Variants in ERICH3 observed in about 807,000 individuals in gnomAD.
ERICH3 encodes the protein glutamate rich 3.
In ERICH3, 126 loss-of-function variants were observed where a neutral mutation model predicts 131.1. That is an observed-to-expected ratio of 0.96 (90% CI 0.83 to 1.11). The LOEUF is 1.11. Among genes scored for constraint, ERICH3 ranks in the 50% most tolerant of loss-of-function variants. The pLI, the probability that ERICH3 is intolerant of heterozygous loss-of-function variation, is 0.00. For missense variants in ERICH3, 2,050 were observed against 1,810.7 expected, an observed-to-expected ratio of 1.13 and a Z score of -2.40; for synonymous variants, 695 against 644.6, an observed-to-expected ratio of 1.08 and a Z score of -1.18.
chr1:74,605,855 A>G (rs759569144), intron 10 of ERICH3, among the ~76,000 whole-genome samples: 2 of 151,926 alleles, frequency 1.3e-5, no homozygotes, highest in Non-Finnish European at 2.9e-5. Flanking sequence ...TGTTGGAAAA[A>G]TGATGCTGAT....
chr1:74,649,293 G>A lies in ERICH3; in HGVS notation c.46C>T (p.Leu16Phe). ...TACCCAGCCAGGTGTTTATCCATAA[G>A]GCTATTATATGCAGCAAGTAACCTA... ...PAGLLAAYNS[L>F]MDKHLAGYFN... is the part of the protein sequence containing the mutation. The change falls in exon 2 of 15, where the codon CTT becomes TTT. Residue 16 changes from leucine (L) to phenylalanine (F), a missense_variant. By Grantham distance (22) the Leu-to-Phe change is conservative. Transcript: ENST00000326665. 1 of 1,611,910 alleles carries A rather than the reference G, an allele frequency of 6.2e-7. No homozygotes were observed. The highest frequency in any genetic ancestry group is 8.5e-7 in the Non-Finnish European group (1 of 1,178,918).
At chr1:74,595,393 G>T (rs1197684965) in intron 11 of ERICH3, among the ~76,000 whole-genome samples, 1 of 152,004 alleles carries the variant, frequency 6.6e-6, no homozygotes, top group East Asian at 1.9e-4. Flanking sequence ...CCCACATACT[G>T]ATAGTTATTA....
intron 8 of ERICH3, among the ~76,000 whole-genome samples, chr1:74,614,064 T>C (rs1213920067): frequency 6.6e-6 from 1 of 152,192 alleles, no homozygotes; most frequent in Non-Finnish European, 1.5e-5. Flanking sequence ...AAAATACAGA[T>C]TGCTGGGTTT....
chr1:74,594,437 C>T (rs1647752644), intron 11 of ERICH3, among the ~76,000 whole-genome samples: 1 of 152,054 alleles, frequency 6.6e-6, no homozygotes, highest in Admixed American at 6.6e-5. Context: ...AAAGTCTGCT[C>T]TCCCTCCTCA....
rs1255032208 is a variant in ERICH3, at chr1:74,589,697, G to A, written c.2110C>T (p.Leu704Phe). 6.2e-7 allele frequency: 1 copy of A among 1,613,906 alleles called. No individual in the cohort carries two copies. Among genetic ancestry groups the A allele is most frequent in the African/African-American group, 1.3e-5 (1 of 74,888 alleles). The change falls in exon 12 of 15, where the codon CTT (leucine) becomes TTT (phenylalanine). Residue 704 changes from leucine to phenylalanine, a missense_variant. Physicochemically the swap from Leu to Phe is conservative, Grantham distance 22. Coordinates refer to ENST00000326665, the MANE Select transcript of ERICH3 (RefSeq NM_001002912.5). ...ACCTGAGCAGTGCTTTCTTCCCAAA[G>A]CTTACTCTTATCCTTTTCCTTTTCT... ...AEEKEKDKSK[L>F]WEESTAQVKD...
intron 1 of ERICH3, among the ~76,000 whole-genome samples, chr1:74,663,470 C>T (rs1646660925): frequency 6.6e-6 from 1 of 152,040 alleles, no homozygotes; most frequent in Non-Finnish European, 1.5e-5. Flanking sequence ...TCTTCCTTGC[C>T]TATCTCTCAT....
At chr1:74,647,338 G>A (rs150446859) in intron 2 of ERICH3, among the ~76,000 whole-genome samples, 1 of 152,096 alleles carries the variant, frequency 6.6e-6, no homozygotes, top group Admixed American at 6.6e-5. Flanking sequence ...AAACATGCGA[G>A]CTACAAAGGA....
chr1:74,665,101 T>C (rs1646677374), intron 1 of ERICH3, among the ~76,000 whole-genome samples: 1 of 152,026 alleles, frequency 6.6e-6, no homozygotes, highest in Non-Finnish European at 1.5e-5. Flanking sequence ...ATGAATGGAA[T>C]TAGTGTCTTA....
At chr1:74,615,247 A>C (rs1475272447) in intron 8 of ERICH3, 1 of 152,196 alleles carries the variant, frequency 6.6e-6, no homozygotes, top group African/African-American at 2.4e-5. Flanking sequence ...TTCATGGAGC[A>C]GTGGAAAGAA....
At chr1:74,604,463 T>C (rs916381500) in intron 10 of ERICH3, among the ~76,000 whole-genome samples, 2 of 151,938 alleles carry the variant, frequency 1.3e-5, no homozygotes, top group Non-Finnish European at 2.9e-5. Flanking sequence ...AAGTTCCCAA[T>C]TGAATTTGCC....
intron 4 of ERICH3, among the ~76,000 whole-genome samples, chr1:74,641,999 C>G (rs544352172): frequency 5.8e-4 from 88 of 152,088 alleles, no homozygotes; most frequent in Non-Finnish European, 1.0e-3. Flanking sequence ...GAATAACACA[C>G]AGCAACTTTT....
chr1:74,658,664 G>A (rs966320102), intron 1 of ERICH3, among the ~76,000 whole-genome samples: 2 of 152,034 alleles, frequency 1.3e-5, no homozygotes, highest in African/African-American at 4.8e-5. Flanking sequence ...TTCCACTAAA[G>A]GTTAGGTTAA....
At chr1:74,663,588 G>A (rs780086654) in intron 1 of ERICH3, among the ~76,000 whole-genome samples, 6 of 147,952 alleles carry the variant, frequency 4.1e-5, no homozygotes, top group African/African-American at 1.5e-4. Flanking sequence ...TCTAATGGAA[G>A]GGTTCTAAAA....
At chr1:74,620,230 T>C (rs541329978) in intron 8 of ERICH3, among the ~76,000 whole-genome samples, 12 of 152,352 alleles carry the variant, frequency 7.9e-5, no homozygotes, top group African/African-American at 2.9e-4. Context: ...CGTGGATTTA[T>C]GATCAAATGA....
At chr1:74,580,588 ATTCT>A (rs1160574365) in intron 12 of ERICH3, among the ~76,000 whole-genome samples, 8 of 152,158 alleles carry the variant, frequency 5.3e-5, no homozygotes. Context: ...ATTTCCACCA[ATTCT>A]TTCTTTATTT....
chr1:74,632,550 A>G (rs183050557), intron 6 of ERICH3, among the ~76,000 whole-genome samples: 1 of 151,728 alleles, frequency 6.6e-6, no homozygotes, highest in Admixed American at 6.6e-5. Context: ...GTATAAGGAT[A>G]CATATACACA....
In ERICH3 at chr1:74,589,723, T is replaced by C. The variant is rs921354751; in HGVS notation, c.2084A>G (p.Glu695Gly). The C allele has an allele frequency of 1.2e-6, 2 of 1,614,100 alleles. No individual in the cohort carries two copies. The highest frequency in any genetic ancestry group is 1.7e-5 in the Admixed American group (1 of 60,010). Residue 695 changes from glutamate (E) to glycine (G), a missense_variant, in exon 12 of 15, where the codon GAA becomes GGA. Coordinates refer to ENST00000326665, the MANE Select transcript of ERICH3 (RefSeq NM_001002912.5). ...CTTACTCTTATCCTTTTCCTTTTCT[T>C]CTGCAGAAACATGTTTCCCGGACTT... ...SEKSGKHVSA[E>G]EKEKDKSKLW...
At chr1:74,613,687 A>G (rs758290165) in intron 8 of ERICH3, among the ~76,000 whole-genome samples, 23 of 152,160 alleles carry the variant, frequency 1.5e-4, no homozygotes, top group Non-Finnish European at 2.9e-4. Context: ...TAAATTTAGA[A>G]CCACTGCTTA....
intron 5 of ERICH3, among the ~76,000 whole-genome samples, chr1:74,637,771 T>C (rs1646402630): frequency 6.6e-6 from 1 of 151,826 alleles, no homozygotes; most frequent in South Asian, 2.1e-4. Flanking sequence ...AATGCAAAAA[T>C]TAGCTGGGTA....
Sources: gnomAD v4.1 joint callset for allele counts (sites outside exome capture counted in the v4.1 genomes callset) on GRCh38, gnomAD v4.1.1 for gene constraint, MANE v1.5 for transcripts, NCBI Gene and HGNC (gene_info 2026-07-23, HGNC 2026-07-21) for gene names.